NOA1: variants seen among roughly 807,000 people sequenced by gnomAD.
NOA1 encodes nitric oxide-associated protein 1.
In NOA1, 35 loss-of-function variants were observed where a neutral mutation model predicts 58.4. The observed-to-expected ratio is 0.60, with a 90% CI of 0.46 to 0.79. The LOEUF (loss-of-function observed/expected upper bound fraction) is 0.79. Ranked by LOEUF, NOA1 falls within the 30% of genes least tolerant of loss-of-function variation. The pLI, the probability that NOA1 is intolerant of heterozygous loss-of-function variation, is 0.00. For missense variants in NOA1, 895 were observed against 894.6 expected, an observed-to-expected ratio of 1.00 and a Z score of -0.01; for synonymous variants, 397 against 373.4, an observed-to-expected ratio of 1.06 and a Z score of -0.73.
chr4:56,966,018 C>CT (rs57382498), intron 5 of NOA1, among the ~76,000 whole-genome samples: 31,630 of 88,718 alleles, frequency 0.36, 6,662 homozygotes, highest in African/African-American at 0.43. Flanking sequence ...AGCAAATTTT[C>CT]TTTTTTTTTT....
chr4:56,973,709 C>T (rs1721849138), intron 2 of NOA1, 149 bp downstream of exon 2: 2 of 754,626 alleles, frequency 2.7e-6, no homozygotes, highest in Non-Finnish European at 2.2e-6. Flanking sequence ...AAACAGTAGC[C>T]TTATCGCTAA....
At position 56,969,929 on chromosome 4, in the gene NOA1, C is replaced by T. The variant is rs139124885; in HGVS notation, c.1516-1414G>A. Among the ~76,000 whole-genome samples the T allele has an allele frequency of 3.3e-3, 486 of 146,862 alleles. 2 individuals carry two copies. Among genetic ancestry groups the T allele is most frequent in the African/African-American group, 0.012 (460 of 39,582 alleles). On this transcript the variant is annotated intron_variant, in intron 3 of 6. Transcript: ENST00000264230. ...CCAAGTAGCTGAGATTACAGACGTG[C>T]GCCACCATGCTTGGCTAATTTTTTT... is the stretch of plus-strand genomic sequence containing the variant.
Position 56,977,064 on chromosome 4 carries a change from C to T in NOA1, c.522G>A (p.Leu174=), listed in dbSNP as rs900604379. The T allele has an allele frequency of 3.5e-5, 56 of 1,577,582 alleles. No individual in the cohort carries two copies. Among genetic ancestry groups the T allele is most frequent in the Non-Finnish European group, 4.5e-5 (52 of 1,166,956 alleles). ...AGCAGCGCTGGCACACGGTCCGTGC[C>T]AGCCCGCCGTCTGCCTCCGCCGTGC... The part of the protein sequence containing the change: ...FLRTAEADGG[L]ARTVCQRCWL... The change falls in exon 1 of 7, where the codon CTG becomes CTA. Residue 174 remains leucine (L), a synonymous_variant. Coordinates refer to ENST00000264230, the MANE Select transcript of NOA1 (RefSeq NM_032313.4).
At chr4:56,973,746 A>C in intron 2 of NOA1, 112 bp downstream of exon 2, 1 of 1,001,166 alleles carries the variant, frequency 1.0e-6, no homozygotes, top group Non-Finnish European at 1.5e-6. Flanking sequence ...AGAATAAGGA[A>C]GGCAGTCTCT....
chr4:56,968,602 A>G (rs1721758992), intron 3 of NOA1, 87 bp from the exon 4 acceptor site: 1 of 1,133,956 alleles, frequency 8.8e-7, no homozygotes, highest in South Asian at 1.6e-5. Flanking sequence ...AAAAGTGATG[A>G]AAAATATGCC....
intron 6 of NOA1, among the ~76,000 whole-genome samples, 186 bp from the exon 7 acceptor site, chr4:56,963,847 A>C (rs1578535628): frequency 6.6e-6 from 1 of 152,112 alleles, no homozygotes; most frequent in East Asian, 1.9e-4. Flanking sequence ...TCCTGGGCTC[A>C]AGCGATCGTA....
At chr4:56,966,025 T>TC (rs1269843349) in intron 5 of NOA1, among the ~76,000 whole-genome samples, 23 of 139,114 alleles carry the variant, frequency 1.7e-4, no homozygotes, top group Non-Finnish European at 3.1e-4. Context: ...TTTCTTTTTT[T>TC]TTTTTTTTTT....
At chr4:56,975,171 G>A (rs1045087871) in intron 1 of NOA1, among the ~76,000 whole-genome samples, 4 of 151,576 alleles carry the variant, frequency 2.6e-5, no homozygotes, top group Non-Finnish European at 2.9e-5. Flanking sequence ...CTACAGGCAC[G>A]CACCACCAGC....
At chr4:56,969,585 A>C (rs1233679048) in intron 3 of NOA1, among the ~76,000 whole-genome samples, 1 of 152,180 alleles carries the variant, frequency 6.6e-6, no homozygotes, top group South Asian at 2.1e-4. Flanking sequence ...GGAAAAAAAG[A>C]GAATAACAAG....
Position 56,973,321 on chromosome 4 carries a change from C to G in NOA1, c.1342G>C (p.Glu448Gln), listed in dbSNP as rs750280935. The G allele has an allele frequency of 1.2e-6, 2 of 1,614,044 alleles. No homozygotes were observed. The highest frequency in any genetic ancestry group is 2.2e-5 in the South Asian group (2 of 91,084). The change falls in exon 3 of 7, where the codon GAA becomes CAA. Residue 448 changes from glutamate to glutamine, a missense_variant. This residue lies in a region of NOA1 where 680 missense variants were observed against 656.5 expected (regional missense o/e 1.04). Coordinates refer to ENST00000264230, the MANE Select transcript of NOA1 (RefSeq NM_032313.4). Reference protein sequence around the residue: ...RVGRTFLYSEEQKDNIPFEFD... With the variant: ...RVGRTFLYSEQQKDNIPFEFD... The stretch of plus-strand genomic sequence containing the variant: ...TCAAAGGGAATGTTATCCTTCTGTT[C>G]TTCTGAATACAAGAATGTCCTTCCA...
chr4:56,968,583 C>A, intron 3 of NOA1, 68 bp from the exon 4 acceptor site: 4 of 1,259,370 alleles, frequency 3.2e-6, no homozygotes, highest in South Asian at 1.5e-5. Context: ...ATGATTTACC[C>A]GTAAAATAAA....
intron 3 of NOA1, among the ~76,000 whole-genome samples, chr4:56,971,106 G>A (rs887413577): frequency 2.6e-5 from 4 of 151,874 alleles, no homozygotes; most frequent in Admixed American, 6.6e-5. Flanking sequence ...TGAGGTGAGG[G>A]GTTTGAGACC....
In NOA1 at chr4:56,977,128, G is replaced by C. The variant is rs867604744; in HGVS notation, c.458C>G (p.Ala153Gly). 4.5e-6 allele frequency: 7 copies of C among 1,555,012 alleles called. No homozygotes were observed. The Admixed American group carries it at 1.1e-4, about 25-fold the overall frequency. Reference sequence around the variant, plus strand: ...TCGGGGCAGGTAGCCGGGCACTCCGGCGTCCTGGCAGTGCAGCTCTGCCCC... The same window carrying C: ...TCGGGGCAGGTAGCCGGGCACTCCGCCGTCCTGGCAGTGCAGCTCTGCCCC... ...GCGAELHCQD[A>G]GVPGYLPREK... The change falls in exon 1 of 7, where the codon GCC becomes GGC. Residue 153 changes from alanine to glycine, a missense_variant. Ala to Gly is a moderately conservative substitution (Grantham distance 60). Transcript: ENST00000264230.
intron 4 of NOA1, 42 bp downstream of exon 4, chr4:56,968,342 A>G: frequency 1.3e-6 from 2 of 1,584,438 alleles, no homozygotes; most frequent in South Asian, 1.2e-5. Context: ...AGTGAATCCC[A>G]ATATTTTAAA....
Position 56,977,362 on chromosome 4 carries a change from G to A in NOA1, c.224C>T (p.Pro75Leu). The A allele has an allele frequency of 2.5e-6, 4 of 1,614,170 alleles. No homozygotes were observed. The South Asian group carries it at 4.4e-5, about 18-fold the overall frequency. ...GGDMQERFLF[P>L]EYILDPEPQP... The stretch of plus-strand genomic sequence containing the variant: ...CGGCTCCGGATCCAGGATGTACTCC[G>A]GGAACAGAAAACGCTCCTGCATGTC... Residue 75 changes from proline to leucine, a missense_variant, in exon 1 of 7, where the codon CCG becomes CTG. Physicochemically the swap from Pro to Leu is moderately conservative, Grantham distance 98. Coordinates refer to ENST00000264230, the MANE Select transcript of NOA1 (RefSeq NM_032313.4).
At position 56,977,438 on chromosome 4, in the gene NOA1, G is replaced by A. The variant is rs1289790163; in HGVS notation, c.148C>T (p.Arg50Cys). ...SSFQHSSSLG[R>C]ELPYDPVDTE... ...TCCACGGGGTCATAAGGAAGCTCGC[G>A]TCCCAGACTCGATGAGTGCTGGAAG... is the stretch of plus-strand genomic sequence containing the variant. Residue 50 changes from arginine to cysteine, a missense_variant, in exon 1 of 7, where the codon CGC becomes TGC. Around this residue, in one of 3 missense-constraint regions of NOA1, gnomAD observed 680 missense variants for 656.5 expected, o/e 1.04. Transcript: ENST00000264230. The A allele has an allele frequency of 1.9e-6, 3 of 1,614,176 alleles. No individual in the cohort carries two copies. In the South Asian group the frequency reaches 3.3e-5, roughly 18 times the overall value.
Position 56,976,989 on chromosome 4 carries a change from C to T in NOA1, c.597G>A (p.Glu199=), listed in dbSNP as rs759039295. 20 of 1,595,262 alleles carry T rather than the reference C, an allele frequency of 1.3e-5. No homozygotes were observed. In the African/African-American group the frequency reaches 2.4e-4, roughly 19 times the overall value. ...CGGCGCTCACCAGCTCCAGGTACTGCTCGCGGCTCACCTGCAGGCGTAGAG... is the reference window on the plus strand; with the variant it reads ...CGGCGCTCACCAGCTCCAGGTACTGTTCGCGGCTCACCTGCAGGCGTAGAG... The part of the protein sequence containing the change: ...RRALRLQVSR[E]QYLELVSAAL... Residue 199 remains glutamate, a synonymous_variant, in exon 1 of 7, where the codon GAG becomes GAA. Coordinates refer to ENST00000264230, the MANE Select transcript of NOA1 (RefSeq NM_032313.4).
intron 4 of NOA1, among the ~76,000 whole-genome samples, 164 bp from the exon 5 acceptor site, chr4:56,966,900 A>T (rs1365679191): frequency 6.6e-6 from 1 of 152,176 alleles, no homozygotes; most frequent in Non-Finnish European, 1.5e-5. Flanking sequence ...TATTACTAAG[A>T]ACAGGGGCAC....
Position 56,977,167 on chromosome 4 carries a change from T to C in NOA1, c.419A>G (p.Asn140Ser), listed in dbSNP as rs772867320. The C allele has an allele frequency of 6.4e-7, 1 of 1,559,130 alleles. No homozygotes were observed. Among genetic ancestry groups the C allele is most frequent in the Non-Finnish European group, 8.6e-7 (1 of 1,156,334 alleles). Residue 140 changes from asparagine (N) to serine (S), a missense_variant, in exon 1 of 7, where the codon AAC (asparagine) becomes AGC (serine). Around this residue, in one of 3 missense-constraint regions of NOA1, gnomAD observed 680 missense variants for 656.5 expected, o/e 1.04. Transcript: ENST00000264230. ...CAGCTCTGCCCCACAGCCCGAGCAG[T>C]TCACGCCGCTGGGCGGCAATGCCGG... ...PDPALPPSGV[N>S]CSGCGAELHC...
Sources: allele counts gnomAD v4.1 joint callset (sites outside exome capture counted in the v4.1 genomes callset), GRCh38; gene constraint gnomAD v4.1.1; regional missense constraint gnomAD v4.1.1; transcripts MANE v1.5; gene names NCBI Gene and HGNC (gene_info 2026-07-23, HGNC 2026-07-21).